The following TRIP12 variants were observed in gnomAD, a reference collection of about 807,000 sequenced individuals.
TRIP12 encodes thyroid hormone receptor interactor 12, also known as E3 ubiquitin-protein ligase TRIP12.
A neutral mutation model predicts 244.2 loss-of-function variants in TRIP12; 25 were observed. That is an observed-to-expected ratio of 0.10 (90% CI 0.07 to 0.14). The LOEUF is 0.14. TRIP12 is among the 10% of genes least tolerant of loss of function. The pLI is 1.00. For missense variants in TRIP12, 1,677 were observed against 2,486.4 expected (o/e 0.67, Z 6.92); for synonymous variants, 905 against 873.1 (o/e 1.04, Z -0.64).
chr2:229,886,466 ATT>A (rs11430240), intron 1 of TRIP12, among the ~76,000 whole-genome samples: 11 of 144,592 alleles, frequency 7.6e-5, no homozygotes, highest in African/African-American at 1.5e-4. Flanking sequence ...TAAAAATAGC[ATT>A]TTTTTTTTTT....
intron 40 of TRIP12, among the ~76,000 whole-genome samples, chr2:229,769,000 C>A (rs2033062878): frequency 6.6e-6 from 1 of 151,990 alleles, no homozygotes; most frequent in Admixed American, 6.6e-5. Context: ...TCTTCCCCAA[C>A]CCCTAGTATT....
intron 1 of TRIP12, among the ~76,000 whole-genome samples, chr2:229,893,092 A>C (rs1023415011): frequency 6.6e-6 from 1 of 152,206 alleles, no homozygotes; most frequent in Non-Finnish European, 1.5e-5. Flanking sequence ...AATACAAAAA[A>C]GTTGAGAATT....
intron 2 of TRIP12, among the ~76,000 whole-genome samples, chr2:229,879,107 C>T (rs934870354): frequency 3.3e-5 from 5 of 152,024 alleles, no homozygotes; most frequent in Non-Finnish European, 5.9e-5. Context: ...AAAACATTAG[C>T]TGGGTGCGGT....
At chr2:229,802,807 T>C (rs1490511930) in intron 20 of TRIP12, among the ~76,000 whole-genome samples, 3 of 152,038 alleles carry the variant, frequency 2.0e-5, no homozygotes, top group African/African-American at 7.2e-5. Context: ...CCCTGTGGTG[T>C]GACAGCCAGA....
Position 229,767,504 on chromosome 2 carries a change from T to C in TRIP12, c.*50A>G, listed in dbSNP as rs1270880984. On this transcript the variant is annotated 3_prime_UTR_variant, in exon 42 of 42. Transcript: ENST00000675903. ...GGTGATAACATTAGAAAAGAAATCATGATTTGTTTCTTTTGCTGTAACAGG... is the reference window on the plus strand; with the variant it reads ...GGTGATAACATTAGAAAAGAAATCACGATTTGTTTCTTTTGCTGTAACAGG... 6.6e-7 allele frequency: 1 copy of C among 1,526,470 alleles called. No individual in the cohort carries two copies. Among genetic ancestry groups the C allele is most frequent in the East Asian group, 2.3e-5 (1 of 43,630 alleles). 94.6% of individuals were successfully genotyped at this position (1,526,470 alleles called of 1,614,324 possible).
intron 2 of TRIP12, among the ~76,000 whole-genome samples, chr2:229,864,216 A>G (rs79450738): frequency 0.043 from 6,492 of 152,308 alleles, 469 homozygotes; most frequent in African/African-American, 0.15. Flanking sequence ...ATGGGCCCAG[A>G]GCACACAAAC....
chr2:229,872,269 T>TA (rs1159568382), intron 2 of TRIP12, among the ~76,000 whole-genome samples: 2 of 151,306 alleles, frequency 1.3e-5, no homozygotes, highest in Non-Finnish European at 3.0e-5. Flanking sequence ...ATCTCTCTTT[T>TA]AAAAAAAGAA....
At position 229,860,708 on chromosome 2, in the gene TRIP12, G is replaced by C. The variant is rs554781483; in HGVS notation, c.99-177C>G. 6.6e-5 allele frequency among the ~76,000 whole-genome samples: 10 copies of C among 152,138 alleles called. No homozygotes were observed. The East Asian group carries it at 1.9e-3, about 29-fold the overall frequency. Reference sequence around the variant, plus strand: ...ATTCTACTAAATAATCTGGCAAAAAGAAATTGCCTCTCAGAACCACCCCCG... The same window carrying C: ...ATTCTACTAAATAATCTGGCAAAAACAAATTGCCTCTCAGAACCACCCCCG... On this transcript the variant is annotated intron_variant, in intron 2 of 41. Coordinates refer to ENST00000675903, the MANE Select transcript of TRIP12 (RefSeq NM_001348323.3).
intron 38 of TRIP12, chr2:229,773,459 CTG>C (rs1453418425): frequency 6.6e-6 from 1 of 152,338 alleles, no homozygotes; most frequent in Non-Finnish European, 1.5e-5. Context: ...CCTTGACTCA[CTG>C]TAACTTTGAA....
chr2:229,921,137 A>C (rs2076462953), intron 1 of TRIP12: 1 of 151,448 alleles, frequency 6.6e-6, no homozygotes, highest in Admixed American at 6.6e-5. Flanking sequence ...GCCTCCCTGC[A>C]TGCCCCCCTC....
chr2:229,837,024 G>C (rs567657997), intron 5 of TRIP12, 40 bp from the exon 6 acceptor site: 3 of 1,476,400 alleles, frequency 2.0e-6, no homozygotes, highest in African/African-American at 1.4e-5. Flanking sequence ...CATTACCAGT[G>C]AACCAGGAGC....
intron 8 of TRIP12, 139 bp downstream of exon 8, chr2:229,829,054 G>A (rs2052563770): frequency 1.6e-6 from 1 of 615,318 alleles, no homozygotes; most frequent in East Asian, 3.0e-5. Flanking sequence ...TATTTAAGGT[G>A]TGATTGTACA....
chr2:229,877,861 T>A (rs184625887), intron 2 of TRIP12, among the ~76,000 whole-genome samples: 1 of 152,342 alleles, frequency 6.6e-6, no homozygotes, highest in Admixed American at 6.5e-5. Flanking sequence ...TTTCTATATA[T>A]TCAAAATAAT....
intron 38 of TRIP12, chr2:229,773,508 A>C (rs1376044166): frequency 6.6e-6 from 1 of 152,124 alleles, no homozygotes; most frequent in East Asian, 1.9e-4. Context: ...CTAGCCTCCC[A>C]AGTGGCTGGG....
At chr2:229,863,604 C>G (rs1049559919) in intron 2 of TRIP12, among the ~76,000 whole-genome samples, 1 of 152,166 alleles carries the variant, frequency 6.6e-6, no homozygotes, top group African/African-American at 2.4e-5. Flanking sequence ...GAATAGACAA[C>G]CAGATGGTAC....
intron 31 of TRIP12, among the ~76,000 whole-genome samples, 186 bp downstream of exon 31, chr2:229,789,425 G>A (rs997570731): frequency 6.6e-6 from 1 of 152,164 alleles, no homozygotes; most frequent in Admixed American, 6.5e-5. Flanking sequence ...TCTGCCAAGA[G>A]AATTAATCTA....
intron 1 of TRIP12, among the ~76,000 whole-genome samples, chr2:229,911,146 CAGAT>C (rs1318175303): frequency 6.6e-6 from 1 of 152,204 alleles, no homozygotes; most frequent in East Asian, 1.9e-4. Flanking sequence ...AGCAGTAAAA[CAGAT>C]AGACTTCACG....
chr2:229,922,424 G>T, upstream of TRIP12: 2 of 1,218,412 alleles, frequency 1.6e-6, no homozygotes, highest in South Asian at 2.5e-5. Context: ...TCATAAGCGT[G>T]GTTCAATTTA....
intron 2 of TRIP12, among the ~76,000 whole-genome samples, chr2:229,866,369 G>A (rs2061510994): frequency 6.6e-6 from 1 of 152,172 alleles, no homozygotes; most frequent in Non-Finnish European, 1.5e-5. Context: ...TCCAAATACA[G>A]ATGCACTATA....
Sources: allele counts gnomAD v4.1 joint callset (sites outside exome capture counted in the v4.1 genomes callset), GRCh38; gene constraint gnomAD v4.1.1; transcripts MANE v1.5; gene names NCBI Gene and HGNC (gene_info 2026-07-23, HGNC 2026-07-21).